The following TAAR1 variants were observed in gnomAD, a reference collection of about 807,000 sequenced individuals.
The protein encoded by TAAR1 is trace amine-associated receptor 1.
Under a neutral mutation model 1.2 loss-of-function variants are expected in TAAR1, and 1 was observed. The ratio of observed to expected loss-of-function variants is 0.81; its 90% CI spans 0.29 to 3.86. TAAR1 has a LOEUF of 3.86. Among genes scored for constraint, TAAR1 ranks in the 30% most tolerant of loss-of-function variants. TAAR1 has a pLI of 0.18. For missense variants in TAAR1, 445 were observed against 405.6 expected, an observed-to-expected ratio of 1.10 and a Z score of -0.83; for synonymous variants, 153 against 132.2, an observed-to-expected ratio of 1.16 and a Z score of -1.08.
In TAAR1 at chr6:132,646,068, A is replaced by G. The variant is rs1316257018; in HGVS notation, c.-65T>C. 2.0e-6 allele frequency: 3 copies of G among 1,492,326 alleles called. No individual in the cohort carries two copies. The highest frequency in any genetic ancestry group is 2.8e-5 in the African/African-American group (2 of 71,180). The allele number at this position is 1,492,326 out of a possible 1,614,324, so 92.4% of individuals were successfully genotyped here. A position where few individuals can be genotyped will look rare whatever the true frequency, so the allele number is the denominator to read the frequency against. On this transcript the variant is annotated 5_prime_UTR_variant, in exon 2 of 2. An upstream start codon of the reference 5' UTR is lost. Transcript: ENST00000275216. Reference sequence around the variant, plus strand: ...GTTGATTTATCTTTTTCCCAAATCCATAATCAGGTTACAGTTCCTTCTCAT... The same window carrying G: ...GTTGATTTATCTTTTTCCCAAATCCGTAATCAGGTTACAGTTCCTTCTCAT...
chr6:132,650,474 A>G (rs1242943020), intron 1 of TAAR1, among the ~76,000 whole-genome samples: 2 of 152,310 alleles, frequency 1.3e-5, no homozygotes, highest in East Asian at 3.9e-4. Flanking sequence ...GACCATTACA[A>G]TTGCTCAGGA....
intron 1 of TAAR1, among the ~76,000 whole-genome samples, chr6:132,657,746 A>C (rs2114292020): frequency 6.6e-6 from 1 of 152,176 alleles, no homozygotes; most frequent in South Asian, 2.1e-4. Context: ...GATTAACAAC[A>C]AAAAGAAAAT....
rs1025099137 is a variant in TAAR1 at position 132,653,873 on chromosome 6, C to G, written c.-127+5257G>C. Among the ~76,000 whole-genome samples the G allele has an allele frequency of 3.3e-5, 5 of 152,220 alleles. No homozygotes were observed. The East Asian group carries it at 9.7e-4, about 29-fold the overall frequency. The stretch of plus-strand genomic sequence containing the variant: ...TGGTTCTTGCCCAATCGGTGACCAT[C>G]GGAGCATCATAAAGAAAACACTGGT... On this transcript the variant is annotated intron_variant, in intron 1 of 1. Coordinates refer to ENST00000275216, the MANE Select transcript of TAAR1 (RefSeq NM_138327.4).
intron 1 of TAAR1, among the ~76,000 whole-genome samples, chr6:132,656,556 T>A (rs893354268): frequency 1.8e-4 from 28 of 152,082 alleles, no homozygotes; most frequent in African/African-American, 5.8e-4. Flanking sequence ...CAAAAGGGAA[T>A]AAAGAATTGA....
intron 1 of TAAR1, among the ~76,000 whole-genome samples, chr6:132,650,272 C>T (rs575450385): frequency 6.6e-6 from 1 of 152,298 alleles, no homozygotes; most frequent in Admixed American, 6.5e-5. Flanking sequence ...TTCATTTACT[C>T]ATGTCTACCT....
chr6:132,652,652 C>G (rs1028047780), intron 1 of TAAR1, among the ~76,000 whole-genome samples: 1 of 146,058 alleles, frequency 6.8e-6, no homozygotes, highest in Non-Finnish European at 1.5e-5. Flanking sequence ...CAGAGACATA[C>G]GAGATAAAAG....
intron 1 of TAAR1, among the ~76,000 whole-genome samples, chr6:132,654,070 C>G (rs577666143): frequency 6.6e-6 from 1 of 152,266 alleles, no homozygotes; most frequent in South Asian, 2.1e-4. Flanking sequence ...GCCTCTCTCT[C>G]TCTACACCTG....
intron 1 of TAAR1, among the ~76,000 whole-genome samples, chr6:132,650,220 G>A (rs957560470): frequency 6.6e-6 from 1 of 151,916 alleles, no homozygotes; most frequent in Non-Finnish European, 1.5e-5. Context: ...TTTTCAACTC[G>A]AAGCCCTCAA....
At position 132,647,553 on chromosome 6, in the gene TAAR1, AAAG is replaced by A. The variant is rs1396762159; in HGVS notation, c.-126-1427_-126-1425del. Among the ~76,000 whole-genome samples the A allele has an allele frequency of 6.7e-5, 8 of 119,936 alleles. 1 individual carries two copies. Among genetic ancestry groups the A allele is most frequent in the African/African-American group, 2.3e-4 (6 of 26,506 alleles). The allele number at this position is 119,936 out of a possible 152,430, so 78.7% of individuals were successfully genotyped here. A position where few individuals can be genotyped will look rare whatever the true frequency, so the allele number is the denominator to read the frequency against. On this transcript the variant is annotated intron_variant, in intron 1 of 1. Coordinates refer to ENST00000275216, the MANE Select transcript of TAAR1 (RefSeq NM_138327.4). ...AGGAGGGAAGGAAGGAAGAAAGAAA[AAAG>A]AAAGGAAGGAAGGAAGGAAGGAGAA...
In TAAR1 at chr6:132,645,950, C is replaced by A. The variant is rs537901236; in HGVS notation, c.54G>T (p.Trp18Cys). The A allele has an allele frequency of 1.1e-5, 18 of 1,610,484 alleles. No individual in the cohort carries two copies. The African/African-American group carries it at 2.0e-4, about 18-fold the overall frequency. The change falls in exon 2 of 2, where the codon TGG (tryptophan) becomes TGT (cysteine). Residue 18 changes from tryptophan to cysteine, a missense_variant. Physicochemically the swap from Trp to Cys is radical, Grantham distance 215 (BLOSUM62 -2). Coordinates refer to ENST00000275216, the MANE Select transcript of TAAR1 (RefSeq NM_138327.4). ...ACAGGGAAGCACGGACATCATTTGACCAGTTGTTTTTCACACAGGAAATAT... is the reference window on the plus strand; with the variant it reads ...ACAGGGAAGCACGGACATCATTTGAACAGTTGTTTTTCACACAGGAAATAT... ...IINISCVKNN[W>C]SNDVRASLYS...
chr6:132,645,635 A>G lies in TAAR1; in HGVS notation c.369T>C (p.Tyr123=). 1.2e-6 allele frequency: 2 copies of G among 1,613,746 alleles called. No individual in the cohort carries two copies. Among genetic ancestry groups the G allele is most frequent in the African/African-American group, 1.3e-5 (1 of 75,030 alleles). The part of the protein sequence containing the change: ...HLSFISIDRY[Y]AVCDPLRYKA... The stretch of plus-strand genomic sequence containing the variant: ...TATATCTCAGTGGATCACACACAGC[A>G]TAGTAGCGGTCAATGGAGATGAAAG... The change falls in exon 2 of 2, where the codon TAT becomes TAC. Residue 123 remains tyrosine (Y), a synonymous_variant. Transcript: ENST00000275216.
Position 132,653,874 on chromosome 6 carries a change from G to A in TAAR1, c.-127+5256C>T, listed in dbSNP as rs115418189. Among the ~76,000 whole-genome samples, 1,057 of 152,186 alleles carry A rather than the reference G, an allele frequency of 6.9e-3. 15 individuals are homozygous for A. Among genetic ancestry groups the A allele is most frequent in the African/African-American group, 0.024 (989 of 41,522 alleles). ...GGTTCTTGCCCAATCGGTGACCATCGGAGCATCATAAAGAAAACACTGGTA... is the reference window on the plus strand; with the variant it reads ...GGTTCTTGCCCAATCGGTGACCATCAGAGCATCATAAAGAAAACACTGGTA... On this transcript the variant is annotated intron_variant, in intron 1 of 1. Coordinates refer to ENST00000275216, the MANE Select transcript of TAAR1 (RefSeq NM_138327.4).
chr6:132,652,088 G>A (rs1582752930), intron 1 of TAAR1, among the ~76,000 whole-genome samples: 1 of 152,086 alleles, frequency 6.6e-6, no homozygotes, highest in Non-Finnish European at 1.5e-5. Context: ...ATATAAGTGA[G>A]TTATTACTGC....
intron 1 of TAAR1, among the ~76,000 whole-genome samples, chr6:132,656,293 C>T (rs1777803856): frequency 6.6e-6 from 1 of 152,080 alleles, no homozygotes; most frequent in Non-Finnish European, 1.5e-5. Context: ...ACTAAGTAAA[C>T]ATCCAAGAGT....
intron 1 of TAAR1, among the ~76,000 whole-genome samples, chr6:132,647,663 AG>A (rs1231497411): frequency 6.6e-6 from 1 of 150,958 alleles, no homozygotes; most frequent in Non-Finnish European, 1.5e-5. Flanking sequence ...AAAGAAAGAA[AG>A]AAAGAAAGAA....
intron 1 of TAAR1, among the ~76,000 whole-genome samples, chr6:132,649,202 C>G (rs1393215308): frequency 6.6e-6 from 1 of 152,122 alleles, no homozygotes; most frequent in Non-Finnish European, 1.5e-5. Context: ...CAAGAGTGCC[C>G]TTGGGGACTC....
intron 1 of TAAR1, among the ~76,000 whole-genome samples, chr6:132,654,074 A>C (rs1168247960): frequency 2.0e-5 from 3 of 152,228 alleles, no homozygotes; most frequent in Admixed American, 6.5e-5. Flanking sequence ...CTCTCTCTCT[A>C]CACCTGGGAT....
At chr6:132,647,617 GAAAAAGGAAAGAAAGA>G (rs1777692660) in intron 1 of TAAR1, among the ~76,000 whole-genome samples, 1 of 93,158 alleles carries the variant, frequency 1.1e-5, no homozygotes, top group African/African-American at 3.9e-5. Context: ...AAGAAAGAAA[GAAAAAGGAAAGAAAGA>G]AAGAAAGAAA....
At chr6:132,647,619 AAAAGG>A (rs1451428159) in intron 1 of TAAR1, among the ~76,000 whole-genome samples, 1,277 of 116,000 alleles carry the variant, frequency 0.011, 27 homozygotes, top group East Asian at 0.025. Flanking sequence ...GAAAGAAAGA[AAAAGG>A]AAAGAAAGAA....
Sources: gnomAD v4.1 joint callset for allele counts (sites outside exome capture counted in the v4.1 genomes callset) on GRCh38, gnomAD v4.1.1 for gene constraint, MANE v1.5 for transcripts, NCBI Gene and HGNC (gene_info 2026-07-23, HGNC 2026-07-21) for gene names.